Variants in KLF8 observed in about 807,000 individuals in gnomAD.
The protein encoded by KLF8 is Krueppel-like factor 8.
KLF8 carries 10 observed loss-of-function variants against 18.2 expected under a neutral mutation model. That is an observed-to-expected ratio of 0.55 (90% CI 0.34 to 0.93). KLF8 has a LOEUF of 0.93. Ranked by LOEUF, KLF8 falls within the 40% of genes least tolerant of loss-of-function variation. The pLI is 0.02. For missense variants in KLF8, 264 were observed against 277.9 expected, an observed-to-expected ratio of 0.95 and a Z score of 0.36; for synonymous variants, 109 against 97.3, an observed-to-expected ratio of 1.12 and a Z score of -0.71.
chrX:56,169,196 C>A, the KLF8 span, among the ~76,000 whole-genome samples: 2 of 111,222 alleles, frequency 1.8e-5, no homozygotes, highest in Admixed American at 1.9e-4. Context: ...GAGGTAATAC[C>A]CAGGTAGTAA....
the KLF8 span, among the ~76,000 whole-genome samples, chrX:55,931,689 G>T: frequency 8.9e-6 from 1 of 112,086 alleles, no homozygotes; most frequent in Non-Finnish European, 1.9e-5. Context: ...TTTTGAGTGA[G>T]TTTCTTAATT....
At chrX:56,062,116 A>G in the KLF8 span, among the ~76,000 whole-genome samples, 1 of 106,713 alleles carries the variant, frequency 9.4e-6, no homozygotes. Context: ...CTCTTTATCC[A>G]ATTTTCCAGT....
the KLF8 span, among the ~76,000 whole-genome samples, chrX:56,156,295 G>T: frequency 9.0e-6 from 1 of 111,445 alleles, no homozygotes; most frequent in Non-Finnish European, 1.9e-5. Flanking sequence ...AGGTAAACTT[G>T]TGTCATGGAG....
chrX:56,208,042 G>A, the KLF8 span, among the ~76,000 whole-genome samples: 1 of 110,644 alleles, frequency 9.0e-6, no homozygotes, highest in African/African-American at 3.3e-5. Context: ...TCAGATCTTA[G>A]GCGTATTATT....
At chrX:56,090,669 A>C in the KLF8 span, among the ~76,000 whole-genome samples, 2 of 111,319 alleles carry the variant, frequency 1.8e-5, no homozygotes, top group African/African-American at 6.5e-5. Flanking sequence ...TAATTTTATA[A>C]ATTCAGGGGG....
the KLF8 span, among the ~76,000 whole-genome samples, chrX:56,172,567 T>C: frequency 4.5e-5 from 5 of 111,770 alleles, no homozygotes; most frequent in East Asian, 5.6e-4. Context: ...AATAAACATA[T>C]GTGTGCATGT....
chrX:56,137,911 T>C, the KLF8 span, among the ~76,000 whole-genome samples: 1 of 107,709 alleles, frequency 9.3e-6, no homozygotes. Flanking sequence ...TCAACAAAAC[T>C]AAAATTTAGC....
At chrX:56,080,245 G>C in the KLF8 span, among the ~76,000 whole-genome samples, 1 of 110,707 alleles carries the variant, frequency 9.0e-6, no homozygotes, top group Non-Finnish European at 1.9e-5. Flanking sequence ...TCCTAGTCTC[G>C]ATGGTCTTTA....
chrX:55,976,189 A>T, the KLF8 span, among the ~76,000 whole-genome samples: 1 of 112,305 alleles, frequency 8.9e-6, no homozygotes, highest in Admixed American at 9.4e-5. Flanking sequence ...GCTAATTAAC[A>T]TATCACTTCA....
At chrX:56,231,656 G>A (rs763125766), upstream of KLF8, among the ~76,000 whole-genome samples, 28 of 111,593 alleles carry the variant, frequency 2.5e-4, no homozygotes, top group South Asian at 7.6e-4. Context: ...ATTAAAATGA[G>A]CTAGAGAGAG....
chrX:56,282,249 A>G (rs1336194695), intron 5 of KLF8, among the ~76,000 whole-genome samples: 1 of 112,507 alleles, frequency 8.9e-6, no homozygotes, highest in Non-Finnish European at 1.9e-5. Flanking sequence ...ACAGAGAAGG[A>G]CAGGCACAAG....
chrX:56,120,048 AC>A, the KLF8 span, among the ~76,000 whole-genome samples: 57,642 of 109,437 alleles, frequency 0.53, 13,615 homozygotes, highest in Non-Finnish European at 0.73. Context: ...TGGAAACTTT[AC>A]TTTTAACTAA....
At chrX:55,949,455 T>C in the KLF8 span, among the ~76,000 whole-genome samples, 1 of 109,779 alleles carries the variant, frequency 9.1e-6, no homozygotes, top group East Asian at 2.9e-4. Context: ...AAGGGGTAGG[T>C]TTCTGGAGCA....
At chrX:56,194,922 T>A in the KLF8 span, among the ~76,000 whole-genome samples, 1 of 112,319 alleles carries the variant, frequency 8.9e-6, no homozygotes, top group Non-Finnish European at 1.9e-5. Context: ...CCTCCGCTGG[T>A]GATACCCAGG....
At chrX:56,124,553 G>A in the KLF8 span, among the ~76,000 whole-genome samples, 10 of 111,585 alleles carry the variant, frequency 9.0e-5, no homozygotes, top group African/African-American at 1.3e-4. Context: ...TTTATAAACC[G>A]TAGGCAATTG....
At chrX:56,265,101 T>G in intron 2 of KLF8, 79 bp from the exon 3 acceptor site, 1 of 1,061,451 alleles carries the variant, frequency 9.4e-7, no homozygotes, top group South Asian at 2.7e-5. Context: ...GAATAGAGAT[T>G]TCTTTTTTAC....
chrX:56,243,404 C>T (rs939108805), intron 1 of KLF8: 95 of 255,662 alleles, frequency 3.7e-4, no homozygotes, highest in African/African-American at 6.6e-4. Flanking sequence ...TCCCTTTCCG[C>T]GCCATCTTAT....
chrX:56,051,498 T>A, the KLF8 span, among the ~76,000 whole-genome samples: 1 of 110,352 alleles, frequency 9.1e-6, no homozygotes, highest in African/African-American at 3.3e-5. Flanking sequence ...TGCTTGTCTG[T>A]AAAGGATTTT....
the KLF8 span, among the ~76,000 whole-genome samples, chrX:55,977,494 C>CGTGTGT: frequency 7.6e-5 from 8 of 105,430 alleles, no homozygotes; most frequent in East Asian, 1.2e-3. Flanking sequence ...ATGCATCCTT[C>CGTGTGT]GTGTGTGTGT....
Sources: allele counts gnomAD v4.1 joint callset (sites outside exome capture counted in the v4.1 genomes callset), GRCh38; gene constraint gnomAD v4.1.1; transcripts MANE v1.5; gene names NCBI Gene and HGNC (gene_info 2026-07-23, HGNC 2026-07-21).